EPHA3: variants seen among roughly 807,000 people sequenced by gnomAD.
The protein encoded by EPHA3 is ephrin type-A receptor 3.
Under a neutral mutation model 107.1 loss-of-function variants are expected in EPHA3, and 42 were observed. The ratio of observed to expected loss-of-function variants is 0.39; its 90% CI spans 0.31 to 0.51. The LOEUF (loss-of-function observed/expected upper bound fraction) is 0.51. Among genes scored for constraint, EPHA3 ranks in the 20% least tolerant of loss-of-function variants. The pLI is 0.78. For missense variants in EPHA3, 1,183 were observed against 1,211.2 expected, an observed-to-expected ratio of 0.98 and a Z score of 0.35; for synonymous variants, 461 against 424.8, an observed-to-expected ratio of 1.09 and a Z score of -1.05.
chr3:89,152,437 C>G (rs907262441), intron 2 of EPHA3, among the ~76,000 whole-genome samples: 1 of 152,006 alleles, frequency 6.6e-6, no homozygotes, highest in African/African-American at 2.4e-5. Context: ...AGGGTCAAGA[C>G]CATTCAAGAT....
intron 14 of EPHA3, 144 bp downstream of exon 14, chr3:89,449,518 T>C: frequency 1.6e-6 from 1 of 632,576 alleles, no homozygotes; most frequent in Admixed American, 3.3e-5. Flanking sequence ...TTCCAAGTCT[T>C]GCAAGGATAT....
intron 3 of EPHA3, among the ~76,000 whole-genome samples, chr3:89,330,197 C>G (rs1707255259): frequency 6.6e-6 from 1 of 151,836 alleles, no homozygotes; most frequent in Non-Finnish European, 1.5e-5. Context: ...AACCCCCTTT[C>G]CATCTTAGAA....
chr3:89,308,861 A>T (rs1389189377), intron 3 of EPHA3, among the ~76,000 whole-genome samples: 1 of 152,110 alleles, frequency 6.6e-6, no homozygotes, highest in East Asian at 1.9e-4. Context: ...GCATATATAA[A>T]ATGGATTAGA....
At chr3:89,234,777 T>G (rs991694106) in intron 3 of EPHA3, among the ~76,000 whole-genome samples, 2 of 133,218 alleles carry the variant, frequency 1.5e-5, no homozygotes, top group Non-Finnish European at 3.2e-5. Flanking sequence ...CCTCCCTCTC[T>G]CCCTCCCTCC....
intron 3 of EPHA3, among the ~76,000 whole-genome samples, chr3:89,250,999 A>T (rs1398369105): frequency 6.6e-6 from 1 of 152,162 alleles, no homozygotes; most frequent in Non-Finnish European, 1.5e-5. Context: ...CTTTCATGGA[A>T]CTGCTAGAAA....
chr3:89,436,205 CTGTT>C (rs948267169), intron 13 of EPHA3, among the ~76,000 whole-genome samples: 3 of 152,096 alleles, frequency 2.0e-5, no homozygotes, highest in African/African-American at 7.2e-5. Flanking sequence ...TATATATTGT[CTGTT>C]TGTCAACCCA....
At chr3:89,355,429 C>G (rs1362697910) in intron 5 of EPHA3, among the ~76,000 whole-genome samples, 1 of 151,048 alleles carries the variant, frequency 6.6e-6, no homozygotes, top group Admixed American at 6.6e-5. Flanking sequence ...GCAAATATGC[C>G]TTGGGAAAAA....
intron 2 of EPHA3, among the ~76,000 whole-genome samples, chr3:89,192,978 C>T (rs1272849201): frequency 6.6e-6 from 1 of 152,030 alleles, no homozygotes; most frequent in African/African-American, 2.4e-5. Flanking sequence ...TATATTTTTA[C>T]ACACCTATTA....
intron 5 of EPHA3, among the ~76,000 whole-genome samples, chr3:89,393,474 C>T (rs1708784986): frequency 6.6e-6 from 1 of 152,102 alleles, no homozygotes; most frequent in African/African-American, 2.4e-5. Context: ...AGGAGAGATG[C>T]TGTACCTGGT....
At chr3:89,120,134 A>C (rs1463666235) in intron 1 of EPHA3, among the ~76,000 whole-genome samples, 1 of 152,144 alleles carries the variant, frequency 6.6e-6, no homozygotes, top group Non-Finnish European at 1.5e-5. Context: ...TATTTCCCTT[A>C]ATGACTATTT....
chr3:89,301,772 G>A (rs1055239045), intron 3 of EPHA3, among the ~76,000 whole-genome samples: 3 of 151,948 alleles, frequency 2.0e-5, no homozygotes, highest in Admixed American at 6.6e-5. Context: ...TATTCTCTAG[G>A]AAGCTCCACA....
At chr3:89,386,244 A>G (rs1303545057) in intron 5 of EPHA3, among the ~76,000 whole-genome samples, 1 of 152,208 alleles carries the variant, frequency 6.6e-6, no homozygotes, top group East Asian at 1.9e-4. Context: ...CAATCGGGAA[A>G]ACATCTCCAG....
intron 3 of EPHA3, among the ~76,000 whole-genome samples, chr3:89,236,595 G>GA (rs1184371859): frequency 8.4e-6 from 1 of 118,978 alleles, no homozygotes; most frequent in African/African-American, 3.1e-5. Flanking sequence ...GTGGGGGGAG[G>GA]GGGGAGGGAT....
At chr3:89,111,528 C>T (rs1014448252) in intron 1 of EPHA3, among the ~76,000 whole-genome samples, 2 of 143,914 alleles carry the variant, frequency 1.4e-5, no homozygotes, top group Non-Finnish European at 3.1e-5. Context: ...ACCCCGCCTC[C>T]ATGGTTAACT....
At chr3:89,148,635 T>G (rs1559752787) in intron 2 of EPHA3, among the ~76,000 whole-genome samples, 1 of 151,994 alleles carries the variant, frequency 6.6e-6, no homozygotes, top group African/African-American at 2.4e-5. Context: ...AAGGAGCCTG[T>G]ATAACTTTCA....
At chr3:89,352,594 C>T (rs1217550400) in intron 5 of EPHA3, among the ~76,000 whole-genome samples, 1 of 150,470 alleles carries the variant, frequency 6.6e-6, no homozygotes, top group Non-Finnish European at 1.5e-5. Context: ...ATATTAGAGC[C>T]CTTTGACTAA....
At chr3:89,231,132 T>A (rs1559611330) in intron 3 of EPHA3, among the ~76,000 whole-genome samples, 2 of 152,144 alleles carry the variant, frequency 1.3e-5, no homozygotes, top group East Asian at 3.9e-4. Flanking sequence ...TAATTTGCAA[T>A]GAAATGAATA....
intron 3 of EPHA3, among the ~76,000 whole-genome samples, chr3:89,271,187 A>T (rs1178796155): frequency 6.6e-6 from 1 of 152,032 alleles, no homozygotes; most frequent in Non-Finnish European, 1.5e-5. Context: ...AGGTCCAATA[A>T]TGTTGAGGAA....
intron 2 of EPHA3, among the ~76,000 whole-genome samples, chr3:89,131,086 T>C (rs909050709): frequency 3.9e-5 from 6 of 152,202 alleles, no homozygotes; most frequent in African/African-American, 1.2e-4. Flanking sequence ...TAAATGAAGG[T>C]CATGAAAATA....
Sources: gnomAD v4.1 joint callset for allele counts (sites outside exome capture counted in the v4.1 genomes callset) on GRCh38, gnomAD v4.1.1 for gene constraint, MANE v1.5 for transcripts, NCBI Gene and HGNC (gene_info 2026-07-23, HGNC 2026-07-21) for gene names.